Variants in THAP9 observed in about 807,000 individuals in gnomAD.
THAP9 encodes the protein DNA transposase THAP9.
THAP9 carries 20 observed loss-of-function variants against 35.7 expected under a neutral mutation model. The observed-to-expected ratio is 0.56, with a 90% CI of 0.39 to 0.81. The LOEUF (loss-of-function observed/expected upper bound fraction) is 0.81. THAP9 is among the 40% of genes least tolerant of loss of function. The pLI, the probability that THAP9 is intolerant of heterozygous loss-of-function variation, is 0.00. For missense variants in THAP9, 870 were observed against 1,047.4 expected (o/e 0.83, Z 2.34); for synonymous variants, 335 against 373.7 (o/e 0.90, Z 1.19).
At chr4:82,900,970 T>G in intron 1 of THAP9, 88 bp downstream of exon 1, 1 of 1,481,576 alleles carries the variant, frequency 6.7e-7, no homozygotes, top group Non-Finnish European at 9.3e-7. Context: ...CGGGCCGCAC[T>G]GTGGGTCGCG....
At position 82,918,806 on chromosome 4, in the gene THAP9, T is replaced by C. The variant is rs376033302; in HGVS notation, c.2594T>C (p.Met865Thr). The C allele has an allele frequency of 2.5e-6, 4 of 1,613,720 alleles. No homozygotes were observed. The highest frequency in any genetic ancestry group is 3.3e-5 in the Admixed American group (2 of 59,994). The change falls in exon 5 of 5, where the codon ATG becomes ACG. Residue 865 changes from methionine (M) to threonine (T), a missense_variant. Coordinates refer to ENST00000302236, the MANE Select transcript of THAP9 (RefSeq NM_024672.6). ...PLKHHSERTD[M>T]KTLSRKHWSS... ...AAACATCATTCAGAGAGAACTGATA[T>C]GAAAACTTTATCAAGGAAACACTGG...
At position 82,918,843 on chromosome 4, in the gene THAP9, G is replaced by A. The variant is rs1388208370; in HGVS notation, c.2631G>A (p.Gln877=). 4 of 1,613,138 alleles carry A rather than the reference G, an allele frequency of 2.5e-6. No individual in the cohort carries two copies. Among genetic ancestry groups the A allele is most frequent in the Non-Finnish European group, 3.4e-6 (4 of 1,179,668 alleles). ...CAAGGAAACACTGGTCATCTGTACA[G>A]GATTATAAATGTTCAAGTTTTGCTA... ...TLSRKHWSSV[Q]DYKCSSFANT... is the part of the protein sequence containing the mutation. Residue 877 remains glutamine (Q), a synonymous_variant, in exon 5 of 5, where the codon CAG becomes CAA. Transcript: ENST00000302236.
At chr4:82,903,900 C>T (rs1220712956) in intron 1 of THAP9, among the ~76,000 whole-genome samples, 1 of 152,166 alleles carries the variant, frequency 6.6e-6, no homozygotes, top group African/African-American at 2.4e-5. Context: ...AGATACCTTA[C>T]CACAGAGCAA....
chr4:82,918,970 C>T lies in THAP9; in HGVS notation c.*46C>T, dbSNP rs969308450. ...ATTTTAATTAAGAATACTTGATCAA[C>T]ATTTTTTGAAGTTCAATTTACCATA... On this transcript the variant is annotated 3_prime_UTR_variant, in exon 5 of 5. Coordinates refer to ENST00000302236, the MANE Select transcript of THAP9 (RefSeq NM_024672.6). 1.3e-5 allele frequency: 19 copies of T among 1,424,802 alleles called. No homozygotes were observed. Among genetic ancestry groups the T allele is most frequent in the Middle Eastern group, 2.6e-4 (1 of 3,920 alleles). The allele number at this position is 1,424,802 out of a possible 1,614,324, so 88.3% of individuals were successfully genotyped here.
rs758158809 is a variant in THAP9 at position 82,917,848 on chromosome 4, G to A, written c.1636G>A (p.Val546Met). The change falls in exon 5 of 5, where the codon GTG (valine) becomes ATG (methionine). Residue 546 changes from valine to methionine, a missense_variant. This residue lies in a region of THAP9 where 414 missense variants were observed against 500.8 expected (regional missense o/e 0.83). Coordinates refer to ENST00000302236, the MANE Select transcript of THAP9 (RefSeq NM_024672.6). The stretch of plus-strand genomic sequence containing the variant: ...TGAAACTTACAGTAAAATAAACCAC[G>A]TGTTAATTGAAGCCAAGACTATTTT... ...LPETYSKINH[V>M]LIEAKTIFVT... 4.3e-6 allele frequency: 7 copies of A among 1,613,158 alleles called. No homozygotes were observed. Among genetic ancestry groups the A allele is most frequent in the Admixed American group, 1.7e-5 (1 of 59,920 alleles).
At chr4:82,901,436 T>A (rs909013006) in intron 1 of THAP9, among the ~76,000 whole-genome samples, 1 of 152,064 alleles carries the variant, frequency 6.6e-6, no homozygotes, top group Non-Finnish European at 1.5e-5. Context: ...CTGGTATAGG[T>A]CATTCAGTAT....
At chr4:82,902,912 A>G (rs557654191) in intron 1 of THAP9, among the ~76,000 whole-genome samples, 95 of 152,352 alleles carry the variant, frequency 6.2e-4, no homozygotes, top group African/African-American at 2.2e-3. Flanking sequence ...AGATTGAGAG[A>G]TGTGTCTAAT....
chr4:82,912,738 CAT>C (rs1444172360), intron 4 of THAP9, among the ~76,000 whole-genome samples: 2 of 152,274 alleles, frequency 1.3e-5, no homozygotes, highest in South Asian at 4.1e-4. Flanking sequence ...TACAAAATGA[CAT>C]AAATATGTAT....
At position 82,917,856 on chromosome 4, in the gene THAP9, T is replaced by G; in HGVS notation, c.1644T>G (p.Ile548Met). Residue 548 changes from isoleucine to methionine, a missense_variant, in exon 5 of 5, where the codon ATT (isoleucine) becomes ATG (methionine). Coordinates refer to ENST00000302236, the MANE Select transcript of THAP9 (RefSeq NM_024672.6). Reference sequence around the variant, plus strand: ...ACAGTAAAATAAACCACGTGTTAATTGAAGCCAAGACTATTTTTGTTACAT... The same window carrying G: ...ACAGTAAAATAAACCACGTGTTAATGGAAGCCAAGACTATTTTTGTTACAT... ...ETYSKINHVL[I>M]EAKTIFVTLS... 6.2e-7 allele frequency: 1 copy of G among 1,613,358 alleles called. No individual in the cohort carries two copies.
At chr4:82,913,091 A>T (rs1206353510) in intron 4 of THAP9, 14 of 152,018 alleles carry the variant, frequency 9.2e-5, no homozygotes, top group Non-Finnish European at 1.5e-4. Context: ...TCATAAGAAA[A>T]TTTTTTTATT....
chr4:82,901,937 A>G (rs558548078), intron 1 of THAP9, among the ~76,000 whole-genome samples: 1 of 152,150 alleles, frequency 6.6e-6, no homozygotes, highest in Non-Finnish European at 1.5e-5. Flanking sequence ...TGTAAGAGGA[A>G]TAAAAACCTG....
At chr4:82,914,080 G>C (rs1040659162) in intron 4 of THAP9, among the ~76,000 whole-genome samples, 1 of 152,198 alleles carries the variant, frequency 6.6e-6, no homozygotes, top group African/African-American at 2.4e-5. Flanking sequence ...AGAACATGCA[G>C]TATTTGGTTT....
intron 4 of THAP9, among the ~76,000 whole-genome samples, chr4:82,912,691 ATAAG>A (rs1327029279): frequency 3.3e-5 from 5 of 152,242 alleles, no homozygotes; most frequent in Non-Finnish European, 7.3e-5. Context: ...CTTATAAAAT[ATAAG>A]TAAGTTTACC....
At position 82,918,533 on chromosome 4, in the gene THAP9, T is replaced by C; in HGVS notation, c.2321T>C (p.Ile774Thr). ...GAAAGTCTGTGTCGGGTCATAAATA[T>C]TTGTGAGCGAGTTGTAAGAACCCAT... ...PSESLCRVINICERVVRTHSR... is the reference protein window; with the variant it reads ...PSESLCRVINTCERVVRTHSR... Residue 774 changes from isoleucine to threonine, a missense_variant, in exon 5 of 5, where the codon ATT becomes ACT. By Grantham distance (89) the Ile-to-Thr change is moderately conservative. Around this residue, in one of 3 missense-constraint regions of THAP9, gnomAD observed 414 missense variants for 500.8 expected, o/e 0.83. Coordinates refer to ENST00000302236, the MANE Select transcript of THAP9 (RefSeq NM_024672.6). 1 of 1,614,152 alleles carries C rather than the reference T, an allele frequency of 6.2e-7. No individual in the cohort carries two copies. The highest frequency in any genetic ancestry group is 8.5e-7 in the Non-Finnish European group (1 of 1,179,996).
chr4:82,906,333 G>C lies in THAP9; in HGVS notation c.286G>C (p.Gly96Arg). 2 of 1,582,214 alleles carry C rather than the reference G, an allele frequency of 1.3e-6. No individual in the cohort carries two copies. Among genetic ancestry groups the C allele is most frequent in the East Asian group, 4.5e-5 (2 of 44,478 alleles). The change falls in exon 3 of 5, where the codon GGT becomes CGT. Residue 96 changes from glycine to arginine, a missense_variant. By Grantham distance (125) the Gly-to-Arg change is moderately radical (BLOSUM62 -2). Around this residue, in one of 3 missense-constraint regions of THAP9, gnomAD observed 440 missense variants for 501.2 expected, o/e 0.88. Transcript: ENST00000302236. ...PSVSLYKIPQ[G>R]VHLKGKARQK... ...TATATATCTGTCATAGATTCCTCAA[G>C]GTGTACATCTTAAAGGTAAAGCAAG...
chr4:82,916,441 A>G (rs1467687993), intron 4 of THAP9, among the ~76,000 whole-genome samples: 1 of 152,224 alleles, frequency 6.6e-6, no homozygotes, highest in African/African-American at 2.4e-5. Flanking sequence ...GAAATGCACT[A>G]AACTCCTGGG....
intron 4 of THAP9, chr4:82,909,956 A>G (rs531845655): frequency 2.6e-5 from 4 of 152,078 alleles, no homozygotes; most frequent in Non-Finnish European, 5.9e-5. Context: ...CCAAACATTT[A>G]TCTTTTCTTT....
chr4:82,912,080 C>G (rs2126014996), intron 4 of THAP9, among the ~76,000 whole-genome samples: 1 of 152,240 alleles, frequency 6.6e-6, no homozygotes, highest in African/African-American at 2.4e-5. Flanking sequence ...GATGTTGGAT[C>G]CTTTTTCAGT....
At position 82,919,131 on chromosome 4, in the gene THAP9, A is replaced by G; in HGVS notation, c.*207A>G. The G allele has an allele frequency of 2.2e-6, 1 of 450,148 alleles. No individual in the cohort carries two copies. Among genetic ancestry groups the G allele is most frequent in the Non-Finnish European group, 3.9e-6 (1 of 257,798 alleles). 27.9% of individuals were successfully genotyped at this position (450,148 alleles called of 1,614,324 possible). On this transcript the variant is annotated 3_prime_UTR_variant, in exon 5 of 5. Coordinates refer to ENST00000302236, the MANE Select transcript of THAP9 (RefSeq NM_024672.6). The stretch of plus-strand genomic sequence containing the variant: ...CATTTATGAGTTTTCCAAAATATAG[A>G]AAGCAGTAGGTCAGTAGGAGCAAAC...
Sources: gnomAD v4.1 joint callset for allele counts (sites outside exome capture counted in the v4.1 genomes callset) on GRCh38, gnomAD v4.1.1 for gene constraint, gnomAD v4.1.1 regional missense constraint, MANE v1.5 for transcripts, NCBI Gene and HGNC (gene_info 2026-07-23, HGNC 2026-07-21) for gene names.